MCPH1: variants seen among roughly 807,000 people sequenced by gnomAD.
The protein encoded by MCPH1 is microcephalin.
Under a neutral mutation model 84.5 loss-of-function variants are expected in MCPH1, and 104 were observed. The ratio of observed to expected loss-of-function variants is 1.23; its 90% CI spans 1.05 to 1.45. The LOEUF (loss-of-function observed/expected upper bound fraction) is 1.45, where lower values mean the gene tolerates loss of function less well. MCPH1 is among the 40% of genes most tolerant of loss of function. MCPH1 has a pLI of 0.00. For missense variants in MCPH1, 1,498 were observed against 1,005.7 expected (o/e 1.49, Z -6.62); for synonymous variants, 514 against 366.8 (o/e 1.40, Z -4.58).
intron 12 of MCPH1, chr8:6,508,674 T>G (rs560350533): frequency 1.7e-6 from 1 of 593,490 alleles, no homozygotes; most frequent in Admixed American, 3.1e-5. Context: ...AAGAATCAAA[T>G]ATCCCCTCTC....
At chr8:6,504,556 A>G (rs1346442459) in intron 12 of MCPH1, among the ~76,000 whole-genome samples, 1 of 152,158 alleles carries the variant, frequency 6.6e-6, no homozygotes, top group Admixed American at 6.5e-5. Flanking sequence ...TGACTTAATA[A>G]TGGCCCCAAA....
intron 13 of MCPH1, chr8:6,625,892 G>GT (rs1467067062): frequency 4.1e-6 from 4 of 985,216 alleles, no homozygotes; most frequent in Non-Finnish European, 4.8e-6. Flanking sequence ...AGAACCAGGA[G>GT]TTTTTTAGCC....
Position 6,637,843 on chromosome 8 carries a change from C to G in MCPH1, c.2453-5151C>G, listed in dbSNP as rs182480363. Among the ~76,000 whole-genome samples, 61 of 152,044 alleles carry G rather than the reference C, an allele frequency of 4.0e-4. 1 individual carries two copies. The Middle Eastern group carries it at 0.027, about 68-fold the overall frequency. On this transcript the variant is annotated intron_variant, in intron 13 of 13. Transcript: ENST00000344683. ...AGGTGATTAGTGATGGGGGTTAGGACCAGGGACGTATCGATGGAGGTGTTG... is the reference window on the plus strand; with the variant it reads ...AGGTGATTAGTGATGGGGGTTAGGAGCAGGGACGTATCGATGGAGGTGTTG...
intron 8 of MCPH1, chr8:6,447,475 A>C: frequency 2.1e-6 from 2 of 945,352 alleles, no homozygotes; most frequent in South Asian, 9.8e-5. Context: ...AGGCTTCAAA[A>C]ACAAGTTACA....
intron 11 of MCPH1, among the ~76,000 whole-genome samples, chr8:6,490,931 T>C (rs1420533777): frequency 9.3e-6 from 1 of 107,618 alleles, no homozygotes; most frequent in East Asian, 2.7e-4. Flanking sequence ...ACAAGCATTG[T>C]ATATATTAAT....
At chr8:6,464,335 C>T (rs963728928) in intron 9 of MCPH1, among the ~76,000 whole-genome samples, 3 of 152,198 alleles carry the variant, frequency 2.0e-5, no homozygotes, top group Non-Finnish European at 2.9e-5. Flanking sequence ...ATTTAAAAAA[C>T]AGCTGCCTCT....
chr8:6,554,144 A>T (rs922751082), intron 12 of MCPH1, among the ~76,000 whole-genome samples: 2 of 150,296 alleles, frequency 1.3e-5, no homozygotes, highest in South Asian at 4.3e-4. Context: ...GACCCATATT[A>T]GACTAATAGT....
chr8:6,639,584 G>T (rs1388355761), intron 13 of MCPH1, among the ~76,000 whole-genome samples: 2 of 151,728 alleles, frequency 1.3e-5, no homozygotes, highest in Non-Finnish European at 1.5e-5. Flanking sequence ...GATCACTCGA[G>T]GACAGGAATT....
chr8:6,485,321 T>C (rs1301917953), intron 11 of MCPH1, among the ~76,000 whole-genome samples: 3 of 151,214 alleles, frequency 2.0e-5, no homozygotes, highest in Non-Finnish European at 2.9e-5. Context: ...TGAGACTCTG[T>C]CTCAAAAAAA....
At chr8:6,406,786 G>T (rs1486860813) in intron 1 of MCPH1, 97 bp downstream of exon 1, 32 of 1,363,430 alleles carry the variant, frequency 2.3e-5, no homozygotes, top group Admixed American at 2.0e-4. Flanking sequence ...GAGGAGCCCC[G>T]CTCGCCCCTC....
chr8:6,541,459 T>C (rs983717321), intron 12 of MCPH1, among the ~76,000 whole-genome samples: 14 of 151,954 alleles, frequency 9.2e-5, no homozygotes, highest in South Asian at 4.2e-4. Flanking sequence ...TTCTAGTAGA[T>C]TGGGGCAGGG....
At chr8:6,526,607 C>G (rs192063483) in intron 12 of MCPH1, among the ~76,000 whole-genome samples, 1 of 152,134 alleles carries the variant, frequency 6.6e-6, no homozygotes, top group East Asian at 1.9e-4. Flanking sequence ...ATGACTTAAA[C>G]TTGGTATCCA....
intron 13 of MCPH1, chr8:6,626,091 C>G: frequency 4.1e-6 from 4 of 985,428 alleles, no homozygotes; most frequent in Non-Finnish European, 4.8e-6. Context: ...AGACCAACAA[C>G]TCCATATCTA....
At chr8:6,454,915 A>G (rs1035827743) in intron 8 of MCPH1, among the ~76,000 whole-genome samples, 6 of 152,258 alleles carry the variant, frequency 3.9e-5, no homozygotes, top group Non-Finnish European at 5.9e-5. Flanking sequence ...GCTGTAGAAC[A>G]CTGTAACCTG....
At chr8:6,422,850 G>A (rs1442878878) in intron 3 of MCPH1, among the ~76,000 whole-genome samples, 3 of 152,090 alleles carry the variant, frequency 2.0e-5, no homozygotes, top group South Asian at 2.1e-4. Context: ...CACCACGCCC[G>A]GCTAATTTTT....
At chr8:6,611,844 T>A (rs1830303009) in intron 12 of MCPH1, among the ~76,000 whole-genome samples, 1 of 152,154 alleles carries the variant, frequency 6.6e-6, no homozygotes, top group South Asian at 2.1e-4. Flanking sequence ...GGTCTCGGTC[T>A]CCTGACCTCG....
At chr8:6,445,627 T>G in intron 8 of MCPH1, 80 bp downstream of exon 8, 1 of 1,503,074 alleles carries the variant, frequency 6.7e-7, no homozygotes, top group South Asian at 1.4e-5. Flanking sequence ...TTATCACAAC[T>G]TTTTCATAAC....
intron 12 of MCPH1, among the ~76,000 whole-genome samples, chr8:6,576,650 G>T (rs1301814687): frequency 1.4e-5 from 2 of 140,464 alleles, no homozygotes; most frequent in East Asian, 4.2e-4. Context: ...TGGGATTACA[G>T]GTGCCCGCCA....
intron 12 of MCPH1, among the ~76,000 whole-genome samples, chr8:6,530,324 G>A (rs2256628): frequency 0.65 from 98,076 of 151,802 alleles, 32,070 homozygotes; most frequent in Non-Finnish European, 0.7. Context: ...CCTGGCCAAC[G>A]TGGTGAAACC....
Sources: gnomAD v4.1 joint callset for allele counts (sites outside exome capture counted in the v4.1 genomes callset) on GRCh38, gnomAD v4.1.1 for gene constraint, MANE v1.5 for transcripts, NCBI Gene and HGNC (gene_info 2026-07-23, HGNC 2026-07-21) for gene names.